RORA: variants seen among roughly 807,000 people sequenced by gnomAD.
RORA encodes RAR related orphan receptor A.
In RORA, 7 loss-of-function variants were observed where a neutral mutation model predicts 69.5. The observed-to-expected ratio is 0.10, with a 90% CI of 0.06 to 0.19. The LOEUF (loss-of-function observed/expected upper bound fraction) is 0.19, where lower values mean the gene tolerates loss of function less well. Ranked by LOEUF, RORA falls within the 10% of genes least tolerant of loss-of-function variation. The probability of loss-of-function intolerance (pLI) is 1.00; values close to 1 mark genes in which losing one functional copy is unlikely to be tolerated. For synonymous variants in RORA, 261 were observed against 240.8 expected (o/e 1.08, Z -0.78); for missense variants, 457 against 663.0 (o/e 0.69, Z 3.41).
chr15:60,865,922 AT>A (rs1457536137), intron 1 of RORA, among the ~76,000 whole-genome samples: 1 of 152,136 alleles, frequency 6.6e-6, no homozygotes, highest in Non-Finnish European at 1.5e-5. Flanking sequence ...GGATATTAAA[AT>A]TTTTTGGCCT....
chr15:60,786,164 G>A (rs779469214), intron 1 of RORA, among the ~76,000 whole-genome samples: 2 of 152,188 alleles, frequency 1.3e-5, no homozygotes, highest in Non-Finnish European at 2.9e-5. Flanking sequence ...ACATCACTAC[G>A]GTTGAGAGTT....
intron 2 of RORA, among the ~76,000 whole-genome samples, chr15:60,623,523 A>G (rs2069476894): frequency 1.3e-5 from 2 of 152,220 alleles, no homozygotes; most frequent in Admixed American, 1.3e-4. Context: ...TGAAAGCACC[A>G]TGAGGTAGGT....
chr15:61,123,857 T>A (rs897909560), intron 1 of RORA, among the ~76,000 whole-genome samples: 1 of 152,222 alleles, frequency 6.6e-6, no homozygotes, highest in Non-Finnish European at 1.5e-5. Context: ...CCCTTCTGTC[T>A]ACTTCCTACA....
At chr15:61,066,508 C>G (rs2140567056) in intron 1 of RORA, among the ~76,000 whole-genome samples, 1 of 145,386 alleles carries the variant, frequency 6.9e-6, no homozygotes, top group South Asian at 2.2e-4. Context: ...CTCACTGCAA[C>G]CTCCACCTCC....
chr15:60,536,695 T>C (rs898447457), intron 2 of RORA, among the ~76,000 whole-genome samples: 4 of 152,248 alleles, frequency 2.6e-5, no homozygotes, highest in Admixed American at 6.5e-5. Flanking sequence ...TTGGACTGAA[T>C]GGGGTGGGGT....
chr15:60,747,558 A>C (rs544808715), intron 1 of RORA, among the ~76,000 whole-genome samples: 19 of 152,344 alleles, frequency 1.2e-4, no homozygotes, highest in Non-Finnish European at 2.4e-4. Flanking sequence ...TGCCAGAGAC[A>C]CTTTATAAAC....
intron 1 of RORA, among the ~76,000 whole-genome samples, chr15:61,166,797 TACATGTTATCC>T (rs1057399998): frequency 2.6e-5 from 4 of 152,092 alleles, no homozygotes; most frequent in African/African-American, 4.8e-5. Flanking sequence ...ACATACCCTT[TACATGTTATCC>T]ACATGTTATC....
intron 1 of RORA, among the ~76,000 whole-genome samples, chr15:60,753,371 C>G (rs2071754254): frequency 6.6e-6 from 1 of 152,214 alleles, no homozygotes; most frequent in Admixed American, 6.5e-5. Context: ...TTATCGAACA[C>G]CAATTCTGTC....
chr15:60,700,510 G>A (rs779653993), intron 1 of RORA, among the ~76,000 whole-genome samples: 1 of 152,160 alleles, frequency 6.6e-6, no homozygotes, highest in Non-Finnish European at 1.5e-5. Context: ...ATGGGGATGA[G>A]TATAATTTAC....
chr15:60,614,230 T>A (rs961334576), intron 2 of RORA, among the ~76,000 whole-genome samples: 1 of 152,108 alleles, frequency 6.6e-6, no homozygotes, highest in East Asian at 1.9e-4. Context: ...TAAGTACAGT[T>A]TGGCTTAATG....
intron 1 of RORA, among the ~76,000 whole-genome samples, chr15:61,119,245 C>T: frequency 6.6e-6 from 1 of 151,970 alleles, no homozygotes; most frequent in Non-Finnish European, 1.5e-5. Context: ...GTCACCCAGG[C>T]TGGAGTACAG....
intron 1 of RORA, among the ~76,000 whole-genome samples, chr15:61,011,626 A>G (rs906225935): frequency 6.6e-6 from 1 of 152,204 alleles, no homozygotes; most frequent in African/African-American, 2.4e-5. Flanking sequence ...GCATTAAAAA[A>G]AAAAGGAACA....
intron 1 of RORA, among the ~76,000 whole-genome samples, chr15:60,838,133 G>C (rs1043844410): frequency 5.9e-5 from 9 of 152,092 alleles, no homozygotes; most frequent in African/African-American, 1.7e-4. Context: ...ATCCCAAGTG[G>C]TGGGATGAGC....
intron 1 of RORA, among the ~76,000 whole-genome samples, chr15:60,844,083 T>C (rs1443940460): frequency 1.3e-5 from 2 of 152,236 alleles, no homozygotes; most frequent in Non-Finnish European, 2.9e-5. Context: ...GGAGTTTAAA[T>C]GCCTGCTCCT....
intron 1 of RORA, among the ~76,000 whole-genome samples, chr15:61,073,030 G>A (rs2078390564): frequency 6.6e-6 from 1 of 152,226 alleles, no homozygotes; most frequent in Admixed American, 6.5e-5. Flanking sequence ...TTTGAAAACG[G>A]AGGGTTTCCT....
chr15:60,830,830 C>T (rs1396907341), intron 1 of RORA, among the ~76,000 whole-genome samples: 1 of 152,200 alleles, frequency 6.6e-6, no homozygotes, highest in Non-Finnish European at 1.5e-5. Flanking sequence ...AGTTGATTCA[C>T]AAAACACTCA....
At chr15:60,903,117 GTGGTC>G (rs1891437329) in intron 1 of RORA, among the ~76,000 whole-genome samples, 2 of 152,190 alleles carry the variant, frequency 1.3e-5, no homozygotes, top group Non-Finnish European at 2.9e-5. Flanking sequence ...TGGCACTCCA[GTGGTC>G]AAGTCAACTG....
intron 1 of RORA, among the ~76,000 whole-genome samples, chr15:60,839,745 T>G (rs1294460907): frequency 1.3e-5 from 2 of 152,198 alleles, no homozygotes; most frequent in East Asian, 3.8e-4. Flanking sequence ...CATGGAGTTG[T>G]GAGACACAGT....
chr15:60,596,927 A>G (rs2068679210), intron 2 of RORA, among the ~76,000 whole-genome samples: 1 of 152,206 alleles, frequency 6.6e-6, no homozygotes, highest in Non-Finnish European at 1.5e-5. Context: ...AATCAGCCAC[A>G]CTTACTGAGT....
Sources: allele counts gnomAD v4.1 joint callset (sites outside exome capture counted in the v4.1 genomes callset), GRCh38; gene constraint gnomAD v4.1.1; transcripts MANE v1.5; gene names NCBI Gene and HGNC (gene_info 2026-07-23, HGNC 2026-07-21).